GABRB3: variants seen among roughly 807,000 people sequenced by gnomAD.
GABRB3 encodes gamma-aminobutyric acid type A receptor subunit beta3.
In GABRB3, 14 loss-of-function variants were observed where a neutral mutation model predicts 52.1. The ratio of observed to expected loss-of-function variants is 0.27; its 90% CI spans 0.18 to 0.42. The LOEUF is 0.42. Ranked by LOEUF, GABRB3 falls within the 10% of genes least tolerant of loss-of-function variation. The pLI, the probability that GABRB3 is intolerant of heterozygous loss-of-function variation, is 1.00. For synonymous variants in GABRB3, 260 were observed against 232.3 expected (o/e 1.12, Z -1.08); for missense variants, 307 against 609.1 (o/e 0.50, Z 5.22).
intron 3 of GABRB3, chr15:26,642,429 A>G (rs1012854603): frequency 1.7e-5 from 21 of 1,268,348 alleles, no homozygotes; most frequent in Middle Eastern, 2.2e-4. Flanking sequence ...ATATGTATAC[A>G]TACATTTTCA....
chr15:26,672,892 T>C (rs1887943029), intron 3 of GABRB3, among the ~76,000 whole-genome samples: 1 of 152,200 alleles, frequency 6.6e-6, no homozygotes, highest in South Asian at 2.1e-4. Context: ...AAAGAAAATG[T>C]AGGCCTGTTG....
At chr15:26,680,970 C>A (rs577860717) in intron 3 of GABRB3, among the ~76,000 whole-genome samples, 1 of 152,262 alleles carries the variant, frequency 6.6e-6, no homozygotes, top group South Asian at 2.1e-4. Flanking sequence ...TTGTAGCAGC[C>A]ATGAATGCGT....
intron 3 of GABRB3, among the ~76,000 whole-genome samples, chr15:26,760,172 C>T (rs1409877076): frequency 2.6e-5 from 4 of 152,206 alleles, no homozygotes; most frequent in Non-Finnish European, 5.9e-5. Context: ...GTGCCACTGA[C>T]CACCATGTGG....
chr15:26,722,102 C>T (rs148222659), intron 3 of GABRB3, among the ~76,000 whole-genome samples: 101 of 152,238 alleles, frequency 6.6e-4, no homozygotes, highest in African/African-American at 2.3e-3. Flanking sequence ...TCTTAGCTTA[C>T]CTCACCTAAT....
In GABRB3 at chr15:26,583,528, G is replaced by A. The variant is rs1890862866; in HGVS notation, c.462-114C>T. 6.5e-6 allele frequency: 5 copies of A among 774,020 alleles called. No homozygotes were observed. The African/African-American group carries it at 6.8e-5, about 11-fold the overall frequency. The allele number at this position is 774,020 out of a possible 1,614,324, so 47.9% of individuals were successfully genotyped here. On this transcript the variant is annotated intron_variant, in intron 4 of 8. Transcript: ENST00000311550. The stretch of plus-strand genomic sequence containing the variant: ...TGGGAACCCTGCCCAAAGTACGCCT[G>A]GCTAAACATCATTCACTATATATAG...
In GABRB3 at chr15:26,773,017, G is replaced by A; in HGVS notation, c.-55C>T. ...GGGCGCCCCGCCGCCGTCGCGACCC[G>A]CAGCCGGGGCTGCTCCTGCTGCTGC... On this transcript the variant is annotated 5_prime_UTR_variant, in exon 1 of 9. Transcript: ENST00000311550. 9 of 1,239,398 alleles carry A rather than the reference G, an allele frequency of 7.3e-6. No individual in the cohort carries two copies. The South Asian group carries it at 1.1e-4, about 15-fold the overall frequency. 76.8% of individuals were successfully genotyped at this position (1,239,398 alleles called of 1,614,324 possible).
At chr15:26,711,298 G>A (rs996517628) in intron 3 of GABRB3, among the ~76,000 whole-genome samples, 1 of 152,140 alleles carries the variant, frequency 6.6e-6, no homozygotes, top group African/African-American at 2.4e-5. Context: ...AGAAATGACT[G>A]TATTTTCCTA....
chr15:26,601,637 G>T (rs1446044266), intron 4 of GABRB3, among the ~76,000 whole-genome samples: 2 of 152,098 alleles, frequency 1.3e-5, no homozygotes, highest in African/African-American at 4.8e-5. Flanking sequence ...TGGAGACAAA[G>T]TTTTATTTTC....
chr15:26,653,719 T>C (rs1401691797), intron 3 of GABRB3, among the ~76,000 whole-genome samples: 1 of 152,226 alleles, frequency 6.6e-6, no homozygotes, highest in Non-Finnish European at 1.5e-5. Flanking sequence ...GTCAGATCTT[T>C]TTCACCGTCA....
chr15:26,565,653 G>A (rs1010077927), intron 7 of GABRB3, among the ~76,000 whole-genome samples: 28 of 152,090 alleles, frequency 1.8e-4, no homozygotes, highest in African/African-American at 6.5e-4. Flanking sequence ...GGGTATTAAC[G>A]ATTTAATACT....
Position 26,734,023 on chromosome 15 carries a change from CTTTT to C in GABRB3, c.240+38375_240+38378del, listed in dbSNP as rs61468831. Among the ~76,000 whole-genome samples the C allele has an allele frequency of 8.7e-3, 638 of 73,420 alleles. 2 individuals carry two copies. Among genetic ancestry groups the C allele is most frequent in the African/African-American group, 0.025 (523 of 20,908 alleles). 48.2% of individuals were successfully genotyped at this position (73,420 alleles called of 152,430 possible). ...AAATGTAAGCCCTAAAACTATAGGG[CTTTT>C]TTTTTTTTTTTTTTTTTTTGAGGCA... On this transcript the variant is annotated intron_variant, in intron 3 of 8. Transcript: ENST00000311550.
intron 3 of GABRB3, among the ~76,000 whole-genome samples, chr15:26,737,018 C>T (rs1327643035): frequency 6.6e-6 from 1 of 152,224 alleles, no homozygotes; most frequent in African/African-American, 2.4e-5. Flanking sequence ...CCCTCTTAGC[C>T]TCCTGTGGCA....
intron 3 of GABRB3, chr15:26,658,537 A>C (rs1389618043): frequency 6.6e-6 from 1 of 152,238 alleles, no homozygotes; most frequent in Non-Finnish European, 1.5e-5. Context: ...CATAGTTCTC[A>C]TAATCAACTG....
chr15:26,675,351 G>A (rs376749354), intron 3 of GABRB3, among the ~76,000 whole-genome samples: 8 of 152,054 alleles, frequency 5.3e-5, no homozygotes, highest in Non-Finnish European at 1.0e-4. Flanking sequence ...ATCCACACTC[G>A]GGCCCTTCCA....
intron 4 of GABRB3, among the ~76,000 whole-genome samples, chr15:26,611,653 G>C (rs566467650): frequency 6.6e-6 from 1 of 152,194 alleles, no homozygotes; most frequent in African/African-American, 2.4e-5. Context: ...GCATGTCTGT[G>C]TAAGGCATAT....
chr15:26,628,536 C>G (rs572264603), intron 3 of GABRB3, among the ~76,000 whole-genome samples: 1 of 152,182 alleles, frequency 6.6e-6, no homozygotes, highest in Non-Finnish European at 1.5e-5. Flanking sequence ...GGAAAAACAA[C>G]CATCTGATCT....
intron 3 of GABRB3, among the ~76,000 whole-genome samples, chr15:26,667,946 T>G (rs368250050): frequency 6.6e-6 from 1 of 152,044 alleles, no homozygotes. Context: ...TGTAGTGAGG[T>G]TGGCCAGAGA....
rs921128868 is a variant in GABRB3, at chr15:26,628,442, G to C, written c.241-6908C>G. 2.6e-5 allele frequency among the ~76,000 whole-genome samples: 4 copies of C among 152,182 alleles called. 1 individual carries two copies. The highest frequency in any genetic ancestry group is 9.7e-5 in the African/African-American group (4 of 41,448). Reference sequence around the variant, plus strand: ...TTCCAAGAATTCAAAAGCAATCTAGGTTAAGTGCTATACTAAACACGAAGG... The same window carrying C: ...TTCCAAGAATTCAAAAGCAATCTAGCTTAAGTGCTATACTAAACACGAAGG... On this transcript the variant is annotated intron_variant, in intron 3 of 8. Transcript: ENST00000311550.
At position 26,666,845 on chromosome 15, in the gene GABRB3, C is replaced by T. The variant is rs144521974; in HGVS notation, c.241-45311G>A. Reference sequence around the variant, plus strand: ...CAGGAAGAAGAAACATGAAGCCAGTCGCTTCACGGCCCAGGAAGCGTTGAG... The same window carrying T: ...CAGGAAGAAGAAACATGAAGCCAGTTGCTTCACGGCCCAGGAAGCGTTGAG... On this transcript the variant is annotated intron_variant, in intron 3 of 8. Coordinates refer to ENST00000311550, the MANE Select transcript of GABRB3 (RefSeq NM_000814.6). Among the ~76,000 whole-genome samples, 90 of 152,254 alleles carry T rather than the reference C, an allele frequency of 5.9e-4. No individual in the cohort carries two copies. In the East Asian group the frequency reaches 0.013, roughly 22 times the overall value.
Sources: gnomAD v4.1 joint callset for allele counts (sites outside exome capture counted in the v4.1 genomes callset) on GRCh38, gnomAD v4.1.1 for gene constraint, MANE v1.5 for transcripts, NCBI Gene and HGNC (gene_info 2026-07-23, HGNC 2026-07-21) for gene names.